Variants in PBX1 observed in about 807,000 individuals in gnomAD.
The protein encoded by PBX1 is pre-B-cell leukemia transcription factor 1.
In PBX1, 6 loss-of-function variants were observed where a neutral mutation model predicts 53.4. The observed-to-expected ratio is 0.11, with a 90% CI of 0.06 to 0.22. The LOEUF is 0.22. Ranked by LOEUF, PBX1 falls within the 10% of genes least tolerant of loss-of-function variation. PBX1 has a pLI of 1.00. For synonymous variants in PBX1, 204 were observed against 212.3 expected (o/e 0.96, Z 0.34); for missense variants, 251 against 551.4 (o/e 0.46, Z 5.46).
At chr1:164,881,364 GAAAA>G (rs1672647656) in intron 2 of PBX1, among the ~76,000 whole-genome samples, 1 of 57,160 alleles carries the variant, frequency 1.7e-5, no homozygotes, top group African/African-American at 4.9e-5. Context: ...AAGGAAGGAG[GAAAA>G]GAAGGAAGGA....
At chr1:164,865,841 C>A (rs1226729095) in intron 2 of PBX1, among the ~76,000 whole-genome samples, 1 of 152,154 alleles carries the variant, frequency 6.6e-6, no homozygotes, top group African/African-American at 2.4e-5. Context: ...ATTCTTGCCT[C>A]AGTGTGGAAA....
At chr1:164,645,631 A>C (rs1659406790) in intron 2 of PBX1, among the ~76,000 whole-genome samples, 1 of 152,130 alleles carries the variant, frequency 6.6e-6, no homozygotes, top group Non-Finnish European at 1.5e-5. Context: ...GGAAATATTG[A>C]GGACAAAGTA....
chr1:164,635,966 A>T (rs1158066593), intron 2 of PBX1, among the ~76,000 whole-genome samples: 1 of 152,066 alleles, frequency 6.6e-6, no homozygotes, highest in Non-Finnish European at 1.5e-5. Flanking sequence ...CCTGTGCTGG[A>T]TCACATGAGG....
chr1:164,804,467 T>C (rs889374106), intron 4 of PBX1, among the ~76,000 whole-genome samples: 2 of 152,200 alleles, frequency 1.3e-5, no homozygotes, highest in Non-Finnish European at 2.9e-5. Flanking sequence ...TAAATAAACA[T>C]TTAAAAATTA....
chr1:164,735,441 G>C (rs942257132), intron 2 of PBX1, among the ~76,000 whole-genome samples: 24 of 152,180 alleles, frequency 1.6e-4, no homozygotes, highest in African/African-American at 5.3e-4. Context: ...ATTGATGATA[G>C]TGGGAACAAA....
At chr1:164,614,619 C>G (rs1657147720) in intron 2 of PBX1, among the ~76,000 whole-genome samples, 1 of 152,112 alleles carries the variant, frequency 6.6e-6, no homozygotes, top group Non-Finnish European at 1.5e-5. Flanking sequence ...TGTTTCAACC[C>G]TGTGAAATAT....
At chr1:164,613,606 G>A (rs879863327) in intron 2 of PBX1, among the ~76,000 whole-genome samples, 1 of 152,160 alleles carries the variant, frequency 6.6e-6, no homozygotes, top group Non-Finnish European at 1.5e-5. Context: ...ATATGTGCAC[G>A]TGGGGGCCCA....
At chr1:164,712,907 T>G (rs1311803683) in intron 2 of PBX1, among the ~76,000 whole-genome samples, 1 of 152,216 alleles carries the variant, frequency 6.6e-6, no homozygotes. Flanking sequence ...GCTTTCTGTC[T>G]AAATCCATTT....
intron 2 of PBX1, among the ~76,000 whole-genome samples, chr1:164,766,552 A>G (rs1369681779): frequency 6.6e-6 from 1 of 152,106 alleles, no homozygotes; most frequent in African/African-American, 2.4e-5. Context: ...ACACTTGCTC[A>G]TGGTCACACA....
intron 2 of PBX1, among the ~76,000 whole-genome samples, chr1:164,656,465 A>C (rs190269034): frequency 3.1e-4 from 47 of 152,214 alleles, no homozygotes; most frequent in Non-Finnish European, 2.8e-4. Flanking sequence ...AAAAGAATTC[A>C]TCTCATTTGA....
intron 8 of PBX1, chr1:164,829,794 A>C (rs536493589): frequency 1.3e-5 from 2 of 152,260 alleles, no homozygotes; most frequent in East Asian, 3.9e-4. Context: ...ATTAAAAAAA[A>C]AAAAAGTATT....
intron 2 of PBX1, among the ~76,000 whole-genome samples, chr1:164,700,056 G>A (rs1445357780): frequency 2.0e-5 from 3 of 152,194 alleles, no homozygotes; most frequent in Non-Finnish European, 4.4e-5. Flanking sequence ...GAGGTAATGT[G>A]GCGGGAGGTA....
At position 164,846,807 on chromosome 1, in the gene PBX1, C is replaced by T; in HGVS notation, c.*131C>T. ...AATCAGCAAACACAATAAGAGTCTCCTTCTCTTCTCTTCTTTGGGATGCTA... is the reference window on the plus strand; with the variant it reads ...AATCAGCAAACACAATAAGAGTCTCTTTCTCTTCTCTTCTTTGGGATGCTA... On this transcript the variant is annotated 3_prime_UTR_variant, in exon 9 of 9. Transcript: ENST00000420696. 6.6e-7 allele frequency: 1 copy of T among 1,515,662 alleles called. No homozygotes were observed. Among genetic ancestry groups the T allele is most frequent in the Non-Finnish European group, 8.8e-7 (1 of 1,132,628 alleles). The allele number at this position is 1,515,662 out of a possible 1,614,324, so 93.9% of individuals were successfully genotyped here.
intron 2 of PBX1, among the ~76,000 whole-genome samples, chr1:164,743,979 G>A (rs1665759533): frequency 6.6e-6 from 1 of 152,168 alleles, no homozygotes; most frequent in Admixed American, 6.5e-5. Flanking sequence ...CTGTTTCCAA[G>A]GAGGAAAGGT....
chr1:164,822,779 G>A (rs546836615), intron 8 of PBX1, among the ~76,000 whole-genome samples: 2 of 152,258 alleles, frequency 1.3e-5, no homozygotes, highest in Non-Finnish European at 2.9e-5. Flanking sequence ...GATCTAAAGG[G>A]GTTAGGATAG....
At chr1:164,639,362 TAGAAAAGATGAG>T (rs1658979182) in intron 2 of PBX1, among the ~76,000 whole-genome samples, 1 of 152,216 alleles carries the variant, frequency 6.6e-6, no homozygotes, top group Non-Finnish European at 1.5e-5. Flanking sequence ...CTGTTTAGAT[TAGAAAAGATGAG>T]AGATCTCTCT....
chr1:164,666,089 TGAA>T (rs1660789404), intron 2 of PBX1, among the ~76,000 whole-genome samples: 1 of 152,170 alleles, frequency 6.6e-6, no homozygotes, highest in African/African-American at 2.4e-5. Flanking sequence ...AAGATGGAGT[TGAA>T]GAGATACGGG....
intron 2 of PBX1, chr1:164,625,824 A>T (rs979180480): frequency 1.2e-5 from 6 of 482,348 alleles, no homozygotes; most frequent in South Asian, 9.9e-5. Flanking sequence ...AAAAAAAAAA[A>T]GAAAAAAAAC....
chr1:164,737,037 G>A (rs1262487204), intron 2 of PBX1, among the ~76,000 whole-genome samples: 4 of 152,084 alleles, frequency 2.6e-5, no homozygotes, highest in Non-Finnish European at 4.4e-5. Context: ...GAGACCCAAG[G>A]AGACAAGAAA....
Sources: gnomAD v4.1 joint callset for allele counts (sites outside exome capture counted in the v4.1 genomes callset) on GRCh38, gnomAD v4.1.1 for gene constraint, MANE v1.5 for transcripts, NCBI Gene and HGNC (gene_info 2026-07-23, HGNC 2026-07-21) for gene names.